ARMH4: variants seen among roughly 807,000 people sequenced by gnomAD.
ARMH4 encodes the protein armadillo-like helical domain-containing protein 4.
In ARMH4, 49 loss-of-function variants were observed where a neutral mutation model predicts 61.9. The observed-to-expected ratio is 0.79, with a 90% confidence interval of 0.63 to 1.00. The LOEUF (loss-of-function observed/expected upper bound fraction) is 1.00, where lower values mean the gene tolerates loss of function less well. ARMH4 is among the 50% of genes least tolerant of loss of function. The pLI, the probability that ARMH4 is intolerant of heterozygous loss-of-function variation, is 0.00. For synonymous variants in ARMH4, 368 were observed against 341.5 expected (o/e 1.08, Z -0.85); for missense variants, 934 against 930.0 (o/e 1.00, Z -0.06).
intron 4 of ARMH4, among the ~76,000 whole-genome samples, chr14:58,129,781 C>T (rs1018583012): frequency 1.3e-5 from 2 of 152,116 alleles, no homozygotes; most frequent in Non-Finnish European, 2.9e-5. Context: ...TTGGCATTTA[C>T]GAGTAAAAAT....
chr14:58,062,604 A>C (rs1594732208), intron 5 of ARMH4, among the ~76,000 whole-genome samples: 1 of 152,218 alleles, frequency 6.6e-6, no homozygotes, highest in Admixed American at 6.5e-5. Flanking sequence ...GTGACCACTA[A>C]ATGTTAGCTA....
chr14:58,104,018 G>C (rs1482021356), intron 4 of ARMH4, among the ~76,000 whole-genome samples: 1 of 152,168 alleles, frequency 6.6e-6, no homozygotes, highest in Non-Finnish European at 1.5e-5. Context: ...ATCCCAAAGA[G>C]AGGGTTGCAG....
intron 4 of ARMH4, among the ~76,000 whole-genome samples, chr14:58,129,955 C>T (rs1887031342): frequency 6.6e-6 from 1 of 151,998 alleles, no homozygotes; most frequent in East Asian, 1.9e-4. Flanking sequence ...AACTAAAACC[C>T]CAGGACACCT....
chr14:58,064,129 C>T (rs1237756340), intron 5 of ARMH4, among the ~76,000 whole-genome samples: 1 of 149,940 alleles, frequency 6.7e-6, no homozygotes, highest in African/African-American at 2.5e-5. Context: ...AATTCCAACA[C>T]ACGATTATCA....
intron 4 of ARMH4, among the ~76,000 whole-genome samples, chr14:58,124,963 C>G (rs796852498): frequency 3.3e-4 from 50 of 152,232 alleles, no homozygotes; most frequent in African/African-American, 1.2e-3. Context: ...TCCTCCATGC[C>G]CATGCAGCAA....
chr14:58,014,777 G>A (rs1213850660), intron 5 of ARMH4, among the ~76,000 whole-genome samples: 1 of 152,144 alleles, frequency 6.6e-6, no homozygotes, highest in East Asian at 1.9e-4. Flanking sequence ...TATAAGAAGT[G>A]GATGACAAGC....
intron 5 of ARMH4, among the ~76,000 whole-genome samples, chr14:58,055,208 T>TATTTCCA (rs1462527235): frequency 1.3e-5 from 2 of 152,228 alleles, no homozygotes; most frequent in Non-Finnish European, 2.9e-5. Context: ...TAAGAAAAAG[T>TATTTCCA]ATTTCCAATT....
intron 1 of ARMH4, among the ~76,000 whole-genome samples, chr14:58,142,240 C>T (rs1392546621): frequency 6.6e-6 from 1 of 152,136 alleles, no homozygotes; most frequent in Admixed American, 6.5e-5. Flanking sequence ...ATTCAATGAT[C>T]TAAGTTAAGC....
intron 7 of ARMH4, 79 bp downstream of exon 7, chr14:58,004,969 C>T: frequency 4.4e-6 from 7 of 1,587,090 alleles, no homozygotes; most frequent in Non-Finnish European, 6.0e-6. Flanking sequence ...TCATTAAACC[C>T]CGTGTGCTTT....
intron 5 of ARMH4, among the ~76,000 whole-genome samples, chr14:58,056,497 G>A (rs994035002): frequency 6.6e-6 from 1 of 152,214 alleles, no homozygotes; most frequent in Non-Finnish European, 1.5e-5. Flanking sequence ...GCACAGTGAA[G>A]AGATGCTTTA....
At chr14:58,103,597 T>C (rs1162996477) in intron 4 of ARMH4, among the ~76,000 whole-genome samples, 2 of 106,914 alleles carry the variant, frequency 1.9e-5, no homozygotes, top group Admixed American at 8.5e-5. Flanking sequence ...AAGAGCACTA[T>C]ATTTTTTTTT....
chr14:58,022,542 A>C lies in ARMH4; in HGVS notation c.2090-10392T>G, dbSNP rs79894680. Among the ~76,000 whole-genome samples the C allele has an allele frequency of 7.9e-3, 1,199 of 152,246 alleles. 14 individuals carry two copies. Among genetic ancestry groups the C allele is most frequent in the African/African-American group, 0.027 (1,116 of 41,532 alleles). On this transcript the variant is annotated intron_variant, in intron 5 of 7. Transcript: ENST00000267485. ...AGCTTCCCAGAGAATCCCCAGCAGC[A>C]AGGAGCTCCAGCAGTAATCCATTCA...
intron 5 of ARMH4, among the ~76,000 whole-genome samples, chr14:58,070,254 G>T (rs1884841568): frequency 6.6e-6 from 1 of 152,174 alleles, no homozygotes; most frequent in African/African-American, 2.4e-5. Context: ...CAGGTGGCAG[G>T]GCTGTACTTG....
intron 5 of ARMH4, among the ~76,000 whole-genome samples, chr14:58,028,276 G>A (rs2141159431): frequency 6.6e-6 from 1 of 152,190 alleles, no homozygotes; most frequent in South Asian, 2.1e-4. Context: ...TTACCCATGG[G>A]AATCCTGTAC....
At chr14:58,132,055 ATATAT>A (rs202176725) in intron 3 of ARMH4, among the ~76,000 whole-genome samples, 3,455 of 152,332 alleles carry the variant, frequency 0.023, 51 homozygotes, top group Non-Finnish European at 0.032. Context: ...ATTAACAAAA[ATATAT>A]TAAACTGTAT....
At position 58,001,851 on chromosome 14, in the gene ARMH4, A is replaced by C; in HGVS notation, c.*2885T>G. On this transcript the variant is annotated 3_prime_UTR_variant, in exon 8 of 8. Coordinates refer to ENST00000267485, the MANE Select transcript of ARMH4 (RefSeq NM_001001872.4). ...GGAAACACTGCCTCTCCCTCCGAGA[A>C]GAAGACCTAGTTCCTGCCCCTGCGG... 1 of 152,094 alleles carries C rather than the reference A, an allele frequency of 6.6e-6. No individual in the cohort carries two copies. Among genetic ancestry groups the C allele is most frequent in the South Asian group, 2.1e-4 (1 of 4,802 alleles). 9.4% of individuals were successfully genotyped at this position (152,094 alleles called of 1,614,324 possible).
intron 5 of ARMH4, among the ~76,000 whole-genome samples, chr14:58,040,168 T>C (rs1416999632): frequency 1.3e-5 from 2 of 152,056 alleles, no homozygotes; most frequent in Non-Finnish European, 2.9e-5. Flanking sequence ...TTGATTTTTT[T>C]TTTAACTTTT....
At position 58,138,865 on chromosome 14, in the gene ARMH4, G is replaced by C; in HGVS notation, c.494C>G (p.Thr165Arg). 1 of 1,614,220 alleles carries C rather than the reference G, an allele frequency of 6.2e-7. No individual in the cohort carries two copies. The highest frequency in any genetic ancestry group is 8.5e-7 in the Non-Finnish European group (1 of 1,180,032). ...LTVDEKEELL[T>R]STNFQPIVEE... ...TACAATGGGCTGAAAGTTAGTGCTT[G>C]TAAGGAGTTCCTCCTTTTCATCAAC... The change falls in exon 2 of 8, where the codon ACA (threonine) becomes AGA (arginine). Residue 165 changes from threonine (T) to arginine (R), a missense_variant. Coordinates refer to ENST00000267485, the MANE Select transcript of ARMH4 (RefSeq NM_001001872.4).
intron 4 of ARMH4, among the ~76,000 whole-genome samples, chr14:58,118,591 G>A (rs547507251): frequency 1.2e-4 from 19 of 152,144 alleles, no homozygotes; most frequent in African/African-American, 4.1e-4. Flanking sequence ...CAGAAAGCCT[G>A]GCAAAGTGCC....
Sources: gnomAD v4.1 joint callset for allele counts (sites outside exome capture counted in the v4.1 genomes callset) on GRCh38, gnomAD v4.1.1 for gene constraint, MANE v1.5 for transcripts, NCBI Gene and HGNC (gene_info 2026-07-23, HGNC 2026-07-21) for gene names.